Variants in CNTNAP5 observed in about 807,000 individuals in gnomAD.
The protein encoded by CNTNAP5 is contactin-associated protein-like 5.
CNTNAP5 carries 72 observed loss-of-function variants against 150.2 expected under a neutral mutation model. That is an observed-to-expected ratio of 0.48 (90% CI 0.40 to 0.58). The LOEUF (loss-of-function observed/expected upper bound fraction) is 0.58. Among genes scored for constraint, CNTNAP5 ranks in the 20% least tolerant of loss-of-function variants. The pLI, the probability that CNTNAP5 is intolerant of heterozygous loss-of-function variation, is 0.00. For missense variants in CNTNAP5, 1,636 were observed against 1,626.2 expected, an observed-to-expected ratio of 1.01 and a Z score of -0.10; for synonymous variants, 672 against 619.8, an observed-to-expected ratio of 1.08 and a Z score of -1.25.
intron 14 of CNTNAP5, among the ~76,000 whole-genome samples, chr2:124,759,960 T>TA (rs1680923775): frequency 6.7e-6 from 1 of 149,564 alleles, no homozygotes; most frequent in Non-Finnish European, 1.5e-5. Context: ...TTTTTTTTTT[T>TA]TTTTTAAATC....
At position 124,212,758 on chromosome 2, in the gene CNTNAP5, G is replaced by A. The variant is rs190898119; in HGVS notation, c.83-8947G>A. On this transcript the variant is annotated intron_variant, in intron 1 of 23. Coordinates refer to ENST00000682447, the MANE Select transcript of CNTNAP5 (RefSeq NM_001367498.1). ...ACTTGGTCTTACGTTTTGATTCTTT[G>A]ACCAACTTTCAGTACCACCAATGAT... is the stretch of plus-strand genomic sequence containing the variant. 8.7e-5 allele frequency among the ~76,000 whole-genome samples: 13 copies of A among 148,624 alleles called. No homozygotes were observed. In the East Asian group the frequency reaches 2.6e-3, roughly 30 times the overall value.
At chr2:124,230,321 A>G (rs959987272) in intron 2 of CNTNAP5, among the ~76,000 whole-genome samples, 1 of 152,048 alleles carries the variant, frequency 6.6e-6, no homozygotes, top group African/African-American at 2.4e-5. Flanking sequence ...TTAGCATTTC[A>G]GCTGTCTAGG....
intron 3 of CNTNAP5, among the ~76,000 whole-genome samples, chr2:124,313,440 C>T (rs1688883864): frequency 6.6e-6 from 1 of 152,110 alleles, no homozygotes; most frequent in Non-Finnish European, 1.5e-5. Context: ...TCAGACCCAC[C>T]CAAGAAAGGT....
At chr2:124,153,771 C>A (rs542787478) in intron 1 of CNTNAP5, among the ~76,000 whole-genome samples, 1 of 151,608 alleles carries the variant, frequency 6.6e-6, no homozygotes, top group African/African-American at 2.4e-5. Flanking sequence ...CACCACACCC[C>A]GCTAATTTTT....
At chr2:124,127,925 A>G (rs1464968997) in intron 1 of CNTNAP5, among the ~76,000 whole-genome samples, 1 of 152,186 alleles carries the variant, frequency 6.6e-6, no homozygotes, top group Non-Finnish European at 1.5e-5. Flanking sequence ...TGGAGTAAAG[A>G]CTTAAATGTC....
chr2:124,056,379 C>A (rs1328803198), intron 1 of CNTNAP5, among the ~76,000 whole-genome samples: 1 of 152,206 alleles, frequency 6.6e-6, no homozygotes, highest in Non-Finnish European at 1.5e-5. Context: ...AATCCCAGCA[C>A]TTTGGGAGGC....
chr2:124,837,677 A>G (rs1158013549), intron 19 of CNTNAP5, among the ~76,000 whole-genome samples: 1 of 152,142 alleles, frequency 6.6e-6, no homozygotes, highest in Non-Finnish European at 1.5e-5. Context: ...AGTTGTTTAC[A>G]AAACAGTAAA....
chr2:124,100,904 G>A (rs967293373), intron 1 of CNTNAP5, among the ~76,000 whole-genome samples: 6 of 147,662 alleles, frequency 4.1e-5, no homozygotes, highest in Non-Finnish European at 9.0e-5. Flanking sequence ...TAAAGTTGAT[G>A]TTTGGGAAAC....
At position 124,408,026 on chromosome 2, in the gene CNTNAP5, G is replaced by T. The variant is rs1032841841; in HGVS notation, c.382-9417G>T. Among the ~76,000 whole-genome samples, 15 of 152,216 alleles carry T rather than the reference G, an allele frequency of 9.9e-5. No homozygotes were observed. In the South Asian group the frequency reaches 2.5e-3, roughly 25 times the overall value. On this transcript the variant is annotated intron_variant, in intron 3 of 23. Coordinates refer to ENST00000682447, the MANE Select transcript of CNTNAP5 (RefSeq NM_001367498.1). ...AGTGGGCGCAGGTCAGTGGGTGCGCGCACCGTACGCCAGCCGAAGCAGGGC... is the reference window on the plus strand; with the variant it reads ...AGTGGGCGCAGGTCAGTGGGTGCGCTCACCGTACGCCAGCCGAAGCAGGGC...
chr2:124,528,006 G>A (rs1318680845), intron 10 of CNTNAP5, among the ~76,000 whole-genome samples: 1 of 152,098 alleles, frequency 6.6e-6, no homozygotes, highest in African/African-American at 2.4e-5. Flanking sequence ...CCTGGGATCT[G>A]GCTCTTCTTA....
chr2:124,378,193 C>T (rs1690701192), intron 3 of CNTNAP5, among the ~76,000 whole-genome samples: 1 of 151,824 alleles, frequency 6.6e-6, no homozygotes. Context: ...AAATTAAGTA[C>T]TTCATGAGGA....
At chr2:124,122,780 ACACACACACACACC>A in intron 1 of CNTNAP5, among the ~76,000 whole-genome samples, 1 of 151,072 alleles carries the variant, frequency 6.6e-6, no homozygotes, top group African/African-American at 2.4e-5. Context: ...ACACACACAC[ACACACACACACACC>A]CACACCTTTT....
Position 124,524,325 on chromosome 2 carries a change from G to A in CNTNAP5, c.1350G>A (p.Leu450=), listed in dbSNP as rs368206485. The change falls in exon 9 of 24, where the codon CTG becomes CTA. Residue 450 remains leucine, a synonymous_variant. Coordinates refer to ENST00000682447, the MANE Select transcript of CNTNAP5 (RefSeq NM_001367498.1). ...ILTGSNLNDG[L]WHSVSINARR... The stretch of plus-strand genomic sequence containing the variant: ...CAGGCAGCAACTTGAATGATGGCCT[G>A]TGGCACTCGGTTAGCATCAACGCCA... 5.6e-6 allele frequency: 9 copies of A among 1,613,810 alleles called. No individual in the cohort carries two copies. The highest frequency in any genetic ancestry group is 4.5e-5 in the East Asian group (2 of 44,836).
intron 6 of CNTNAP5, among the ~76,000 whole-genome samples, chr2:124,456,146 T>C (rs2104815600): frequency 6.6e-6 from 1 of 152,302 alleles, no homozygotes; most frequent in Non-Finnish European, 1.5e-5. Flanking sequence ...GCTGATTATA[T>C]GATTGGTTAC....
chr2:124,714,921 T>A (rs982656155), intron 13 of CNTNAP5, among the ~76,000 whole-genome samples: 3 of 152,158 alleles, frequency 2.0e-5, no homozygotes, highest in Admixed American at 6.5e-5. Context: ...AATACTCTAT[T>A]GATCTTTTCA....
intron 13 of CNTNAP5, among the ~76,000 whole-genome samples, chr2:124,681,855 C>A (rs1307813214): frequency 6.6e-6 from 1 of 152,152 alleles, no homozygotes; most frequent in African/African-American, 2.4e-5. Context: ...AACCACCATG[C>A]CAGGCCCTTG....
At chr2:124,773,984 G>A (rs1330255064) in intron 17 of CNTNAP5, among the ~76,000 whole-genome samples, 1 of 151,518 alleles carries the variant, frequency 6.6e-6, no homozygotes, top group Non-Finnish European at 1.5e-5. Context: ...AATACAGGGT[G>A]AGCCTTATAG....
chr2:124,813,885 T>C (rs1682292927), intron 19 of CNTNAP5, among the ~76,000 whole-genome samples: 1 of 151,986 alleles, frequency 6.6e-6, no homozygotes, highest in African/African-American at 2.4e-5. Context: ...TTGGCTATCT[T>C]TGTTCTGGCC....
Position 124,312,220 on chromosome 2 carries a change from T to A in CNTNAP5, c.381+69827T>A, listed in dbSNP as rs191655206. ...GTCCTTCAAGGCATTAAGTGTATTT[T>A]AACAATAAAGTAAAGTGTTTGAAAT... On this transcript the variant is annotated intron_variant, in intron 3 of 23. Coordinates refer to ENST00000682447, the MANE Select transcript of CNTNAP5 (RefSeq NM_001367498.1). Among the ~76,000 whole-genome samples the A allele has an allele frequency of 1.0e-3, 155 of 152,362 alleles. No homozygotes were observed. In the Middle Eastern group the frequency reaches 0.01, roughly 10 times the overall value.
Sources: allele counts gnomAD v4.1 joint callset (sites outside exome capture counted in the v4.1 genomes callset), GRCh38; gene constraint gnomAD v4.1.1; transcripts MANE v1.5; gene names NCBI Gene and HGNC (gene_info 2026-07-23, HGNC 2026-07-21).